The following NIPSNAP2 variants were observed in gnomAD, a reference collection of about 807,000 sequenced individuals.
NIPSNAP2 encodes the protein protein NipSnap homolog 2.
In NIPSNAP2, 42 loss-of-function variants were observed where a neutral mutation model predicts 48.4. The ratio of observed to expected loss-of-function variants is 0.87; its 90% CI spans 0.68 to 1.12. The LOEUF is 1.12. Among genes scored for constraint, NIPSNAP2 ranks in the 50% most tolerant of loss-of-function variants. The probability of loss-of-function intolerance (pLI) is 0.00; values close to 1 mark genes in which losing one functional copy is unlikely to be tolerated. For synonymous variants in NIPSNAP2, 158 were observed against 126.6 expected, an observed-to-expected ratio of 1.25 and a Z score of -1.67; for missense variants, 314 against 347.3, an observed-to-expected ratio of 0.90 and a Z score of 0.76.
At position 55,981,586 on chromosome 7, in the gene NIPSNAP2, G is replaced by A. The variant is rs116291773; in HGVS notation, c.373+19G>A. 167 of 1,546,190 alleles carry A rather than the reference G, an allele frequency of 1.1e-4. No individual in the cohort carries two copies. In the African/African-American group the frequency reaches 2.0e-3, roughly 19 times the overall value. On this transcript the variant is annotated intron_variant, in intron 4 of 9. Transcript: ENST00000322090. Reference sequence around the variant, plus strand: ...CAAGCTGGTAGGAAGCGAAGTCTTTGGAATAAACACTTCTTCCTTAAGCCT... The same window carrying A: ...CAAGCTGGTAGGAAGCGAAGTCTTTAGAATAAACACTTCTTCCTTAAGCCT...
intron 7 of NIPSNAP2, among the ~76,000 whole-genome samples, chr7:55,986,219 T>G (rs984610971): frequency 2.7e-5 from 4 of 150,088 alleles, no homozygotes; most frequent in Admixed American, 1.3e-4. Flanking sequence ...AATACAAAAA[T>G]TAACCGGGCA....
chr7:55,976,084 G>C (rs1344128945), intron 1 of NIPSNAP2, among the ~76,000 whole-genome samples: 1 of 151,714 alleles, frequency 6.6e-6, no homozygotes, highest in Non-Finnish European at 1.5e-5. Context: ...AAATTGTTCA[G>C]ATAGTTCAGA....
chr7:55,980,576 G>C (rs1476003034), intron 3 of NIPSNAP2: 1 of 152,078 alleles, frequency 6.6e-6, no homozygotes, highest in Non-Finnish European at 1.5e-5. Flanking sequence ...AAGTGTGCAG[G>C]TTTTAGCTTT....
At chr7:55,968,814 C>T (rs1786952553) in intron 1 of NIPSNAP2, among the ~76,000 whole-genome samples, 1 of 152,000 alleles carries the variant, frequency 6.6e-6, no homozygotes, top group South Asian at 2.1e-4. Flanking sequence ...TCACATGAGG[C>T]CAGAAGCTCA....
intron 9 of NIPSNAP2, among the ~76,000 whole-genome samples, chr7:55,997,866 C>T (rs897787234): frequency 7.9e-5 from 12 of 152,170 alleles, no homozygotes; most frequent in African/African-American, 2.7e-4. Flanking sequence ...AATTAAACTT[C>T]CTGTATGTAC....
intron 3 of NIPSNAP2, 153 bp downstream of exon 3, chr7:55,978,548 A>C (rs758652712): frequency 1.4e-6 from 1 of 712,116 alleles, no homozygotes. Context: ...TTCATGTGGG[A>C]TTGCCGAAGG....
Position 55,978,003 on chromosome 7 carries a change from G to A in NIPSNAP2, c.93-123G>A, listed in dbSNP as rs181508375. On this transcript the variant is annotated intron_variant, in intron 1 of 9. Transcript: ENST00000322090. ...TGCATGCTGTTGTCATGGAAAGCAG[G>A]CATTCTTTGGTAGCCCAGGTTCTGG... 1,938 of 1,048,904 alleles carry A rather than the reference G, an allele frequency of 1.8e-3. 5 individuals carry two copies. Among genetic ancestry groups the A allele is most frequent in the Non-Finnish European group, 2.4e-3 (1,706 of 718,564 alleles). The allele number at this position is 1,048,904 out of a possible 1,614,324, so 65.0% of individuals were successfully genotyped here.
chr7:55,970,831 C>G (rs1787002609), intron 1 of NIPSNAP2, among the ~76,000 whole-genome samples: 1 of 152,124 alleles, frequency 6.6e-6, no homozygotes, highest in Admixed American at 6.5e-5. Context: ...CTTGCTTGCC[C>G]TCCAAAACAG....
At position 55,981,490 on chromosome 7, in the gene NIPSNAP2, A is replaced by C; in HGVS notation, c.296A>C (p.Lys99Thr). Residue 99 changes from lysine (K) to threonine (T), a missense_variant, in exon 4 of 10, where the codon AAG becomes ACG. This residue lies in a region of NIPSNAP2 where 198 missense variants were observed against 185.5 expected (regional missense o/e 1.07). Transcript: ENST00000322090. ...TCTTTAAGTCAAGAGGTGTTGCCAAAGATTCACGAAGATAAACACTACCCT... is the reference window on the plus strand; with the variant it reads ...TCTTTAAGTCAAGAGGTGTTGCCAACGATTCACGAAGATAAACACTACCCT... ...YNKICQEVLP[K>T]IHEDKHYPCT... is the part of the protein sequence containing the mutation. The C allele has an allele frequency of 6.2e-7, 1 of 1,613,856 alleles. No homozygotes were observed. Among genetic ancestry groups the C allele is most frequent in the Admixed American group, 1.7e-5 (1 of 59,996 alleles).
At chr7:55,969,246 GC>G (rs2116328434) in intron 1 of NIPSNAP2, among the ~76,000 whole-genome samples, 1 of 152,182 alleles carries the variant, frequency 6.6e-6, no homozygotes, top group African/African-American at 2.4e-5. Context: ...GGGTACTGGG[GC>G]TGGATGGAGT....
intron 1 of NIPSNAP2, among the ~76,000 whole-genome samples, chr7:55,971,559 C>T (rs963799736): frequency 1.3e-5 from 2 of 152,066 alleles, no homozygotes; most frequent in African/African-American, 2.4e-5. Context: ...AACTTGTGGG[C>T]TCAAGCGATC....
At chr7:55,977,075 A>C (rs1301678482) in intron 1 of NIPSNAP2, among the ~76,000 whole-genome samples, 2 of 142,624 alleles carry the variant, frequency 1.4e-5, no homozygotes, top group Non-Finnish European at 3.0e-5. Flanking sequence ...TTTGATTTTT[A>C]AAGTTAATTT....
intron 8 of NIPSNAP2, among the ~76,000 whole-genome samples, chr7:55,995,684 C>T (rs59684312): frequency 0.016 from 2,436 of 152,224 alleles, 73 homozygotes; most frequent in African/African-American, 0.055. Context: ...AGAGGTCAAG[C>T]CAGGTGCATG....
chr7:55,972,267 C>T (rs1787027347), intron 1 of NIPSNAP2, among the ~76,000 whole-genome samples: 1 of 150,656 alleles, frequency 6.6e-6, no homozygotes, highest in African/African-American at 2.4e-5. Context: ...GATTGTGCCA[C>T]TATTGCCCTC....
At chr7:55,986,187 C>T (rs111397678) in intron 7 of NIPSNAP2, among the ~76,000 whole-genome samples, 5,392 of 151,522 alleles carry the variant, frequency 0.036, 327 homozygotes, top group African/African-American at 0.12. Flanking sequence ...GGCAACATGA[C>T]GAAACCCCAA....
At chr7:55,983,026 G>A (rs1463400062) in intron 5 of NIPSNAP2, among the ~76,000 whole-genome samples, 1 of 151,970 alleles carries the variant, frequency 6.6e-6, no homozygotes, top group Non-Finnish European at 1.5e-5. Flanking sequence ...GGGAGGCTGA[G>A]GCACGAGAAT....
intron 7 of NIPSNAP2, among the ~76,000 whole-genome samples, chr7:55,985,217 A>G (rs1469466597): frequency 6.6e-6 from 1 of 152,192 alleles, no homozygotes; most frequent in East Asian, 1.9e-4. Flanking sequence ...CTAAAAGATA[A>G]GCACCTTTTT....
At chr7:55,998,962 T>A (rs747984020) in intron 9 of NIPSNAP2, 46 bp from the exon 10 acceptor site, 15 of 1,457,674 alleles carry the variant, frequency 1.0e-5, no homozygotes, top group Non-Finnish European at 1.3e-5. Context: ...TTTACCATAA[T>A]GTGTTTAGAA....
At chr7:55,976,344 G>A (rs1446879207) in intron 1 of NIPSNAP2, among the ~76,000 whole-genome samples, 1 of 152,174 alleles carries the variant, frequency 6.6e-6, no homozygotes, top group Non-Finnish European at 1.5e-5. Flanking sequence ...CTGCATTAAT[G>A]GCTATTCAAA....
Sources: gnomAD v4.1 joint callset for allele counts (sites outside exome capture counted in the v4.1 genomes callset) on GRCh38, gnomAD v4.1.1 for gene constraint, gnomAD v4.1.1 regional missense constraint, MANE v1.5 for transcripts, NCBI Gene and HGNC (gene_info 2026-07-23, HGNC 2026-07-21) for gene names.